Variants in WWOX observed in about 807,000 individuals in gnomAD.
The protein encoded by WWOX is WW domain-containing oxidoreductase.
In WWOX, 69 loss-of-function variants were observed where a neutral mutation model predicts 46.2. The ratio of observed to expected loss-of-function variants is 1.49; its 90% CI spans 1.23 to 1.82. WWOX has a LOEUF of 1.82. WWOX is among the 40% of genes most tolerant of loss of function. The probability of loss-of-function intolerance (pLI) is 0.00; values close to 1 mark genes in which losing one functional copy is unlikely to be tolerated. For synonymous variants in WWOX, 359 were observed against 202.6 expected (o/e 1.77, Z -6.56); for missense variants, 919 against 542.6 (o/e 1.69, Z -6.89).
At chr16:78,454,467 C>A (rs904955597) in intron 8 of WWOX, among the ~76,000 whole-genome samples, 1 of 149,534 alleles carries the variant, frequency 6.7e-6, no homozygotes, top group African/African-American at 2.5e-5. Context: ...TGTTTTTTTT[C>A]CCCTAGGTTG....
intron 8 of WWOX, among the ~76,000 whole-genome samples, chr16:78,821,803 CA>C (rs1241880442): frequency 6.6e-6 from 1 of 152,152 alleles, no homozygotes; most frequent in East Asian, 1.9e-4. Flanking sequence ...AAATAGTCAG[CA>C]AATACCATCG....
chr16:78,451,417 T>A (rs117923556), intron 8 of WWOX, among the ~76,000 whole-genome samples: 1,821 of 152,312 alleles, frequency 0.012, 14 homozygotes, highest in Non-Finnish European at 0.018. Context: ...GGGGAGGAGC[T>A]GAGAAGAGCA....
At chr16:79,050,302 A>C (rs1400746870) in intron 8 of WWOX, among the ~76,000 whole-genome samples, 1 of 152,130 alleles carries the variant, frequency 6.6e-6, no homozygotes, top group Non-Finnish European at 1.5e-5. Flanking sequence ...TTTCTGCCCT[A>C]GGCTGGACAT....
intron 8 of WWOX, among the ~76,000 whole-genome samples, chr16:79,069,109 C>G (rs998010560): frequency 2.0e-5 from 3 of 152,152 alleles, no homozygotes; most frequent in African/African-American, 7.2e-5. Flanking sequence ...CCGGAACTCC[C>G]CACGTGTGAC....
At chr16:78,874,755 C>G (rs1372911149) in intron 8 of WWOX, among the ~76,000 whole-genome samples, 1 of 124,886 alleles carries the variant, frequency 8.0e-6, no homozygotes, top group Non-Finnish European at 1.6e-5. Context: ...GCCAGAACAT[C>G]TACTCAACTG....
chr16:78,928,844 C>T (rs187412397), intron 8 of WWOX, among the ~76,000 whole-genome samples: 2 of 152,130 alleles, frequency 1.3e-5, no homozygotes, highest in African/African-American at 4.8e-5. Flanking sequence ...GCTTCTCTGT[C>T]AAGAGAATTA....
intron 8 of WWOX, among the ~76,000 whole-genome samples, chr16:78,747,318 A>G (rs993642295): frequency 9.2e-5 from 14 of 151,726 alleles, no homozygotes; most frequent in African/African-American, 3.4e-4. Flanking sequence ...CAGCCTCCCA[A>G]ATTGCTGAGA....
At chr16:78,771,637 T>C (rs2050066784) in intron 8 of WWOX, among the ~76,000 whole-genome samples, 1 of 152,044 alleles carries the variant, frequency 6.6e-6, no homozygotes, top group Non-Finnish European at 1.5e-5. Context: ...GCGGGCATTG[T>C]GGTGGGTGTC....
At chr16:78,356,498 C>T (rs2081294313) in intron 5 of WWOX, among the ~76,000 whole-genome samples, 1 of 152,130 alleles carries the variant, frequency 6.6e-6, no homozygotes, top group Non-Finnish European at 1.5e-5. Flanking sequence ...AAGTCGCCTA[C>T]CCTAGACCTC....
chr16:78,595,445 A>G (rs780747926), intron 8 of WWOX, among the ~76,000 whole-genome samples: 4 of 152,168 alleles, frequency 2.6e-5, no homozygotes, highest in South Asian at 2.1e-4. Context: ...GGGATCATAC[A>G]TTGACCAAAG....
rs2044754920 is a variant in WWOX at position 78,898,595 on chromosome 16, G to C, written c.1057-313013G>C. 2.0e-5 allele frequency: 3 copies of C among 152,054 alleles called. No individual in the cohort carries two copies. The South Asian group carries it at 6.2e-4, about 32-fold the overall frequency. 9.4% of individuals were successfully genotyped at this position (152,054 alleles called of 1,614,324 possible). A position where few individuals can be genotyped will look rare whatever the true frequency, so the allele number is the denominator to read the frequency against. ...TTTCAAGATTGTTTGGGTTAGTTTA[G>C]ATACTTTCCTTTTACATATATATTT... is the stretch of plus-strand genomic sequence containing the variant. On this transcript the variant is annotated intron_variant, in intron 8 of 8. Transcript: ENST00000566780.
chr16:78,507,259 T>A (rs964848704), intron 8 of WWOX, among the ~76,000 whole-genome samples: 3 of 152,170 alleles, frequency 2.0e-5, no homozygotes, highest in Non-Finnish European at 4.4e-5. Flanking sequence ...AAATAAGAAT[T>A]TTTTTCCCCA....
intron 8 of WWOX, among the ~76,000 whole-genome samples, chr16:78,527,340 C>G (rs956039018): frequency 2.1e-4 from 31 of 145,396 alleles, no homozygotes; most frequent in Non-Finnish European, 4.0e-4. Flanking sequence ...GTTGCCTAGA[C>G]TAGAGTGCAG....
intron 8 of WWOX, among the ~76,000 whole-genome samples, chr16:78,754,915 C>T (rs1009626335): frequency 1.3e-5 from 2 of 151,996 alleles, no homozygotes; most frequent in African/African-American, 4.8e-5. Context: ...AGGGGTGGTA[C>T]TGCTGTCCCC....
At chr16:78,843,476 G>C (rs1205834135) in intron 8 of WWOX, among the ~76,000 whole-genome samples, 1 of 150,044 alleles carries the variant, frequency 6.7e-6, no homozygotes, top group Non-Finnish European at 1.5e-5. Context: ...CTTTGCCTAA[G>C]CTTTGGGCAT....
chr16:79,093,342 T>C (rs1447649413), intron 8 of WWOX, among the ~76,000 whole-genome samples: 2 of 152,230 alleles, frequency 1.3e-5, no homozygotes, highest in African/African-American at 4.8e-5. Flanking sequence ...TAAATTTGTT[T>C]ATTTAAATTT....
intron 5 of WWOX, among the ~76,000 whole-genome samples, chr16:78,174,495 C>A (rs940685988): frequency 6.6e-6 from 1 of 152,232 alleles, no homozygotes; most frequent in African/African-American, 2.4e-5. Context: ...ATTCAATTCA[C>A]AGCATTCTAC....
intron 6 of WWOX, among the ~76,000 whole-genome samples, chr16:78,387,438 C>G (rs2039779684): frequency 6.6e-6 from 1 of 151,108 alleles, no homozygotes; most frequent in Non-Finnish European, 1.5e-5. Flanking sequence ...GACTCACATT[C>G]CTTTTATTTA....
In WWOX at chr16:79,044,161, C is replaced by T. The variant is rs1368728063; in HGVS notation, c.1057-167447C>T. Among the ~76,000 whole-genome samples the T allele has an allele frequency of 4.6e-5, 7 of 152,294 alleles. 1 individual carries two copies. The East Asian group carries it at 1.2e-3, about 25-fold the overall frequency. On this transcript the variant is annotated intron_variant, in intron 8 of 8. Coordinates refer to ENST00000566780, the MANE Select transcript of WWOX (RefSeq NM_016373.4). ...CTGGGAATCCCAAACAGCAAATGTT[C>T]ACTGTGTTCAGGGAGGAGTCTTCAG... is the stretch of plus-strand genomic sequence containing the variant.
Sources: allele counts gnomAD v4.1 joint callset (sites outside exome capture counted in the v4.1 genomes callset), GRCh38; gene constraint gnomAD v4.1.1; transcripts MANE v1.5; gene names NCBI Gene and HGNC (gene_info 2026-07-23, HGNC 2026-07-21).